SH3D21: variants seen among roughly 807,000 people sequenced by gnomAD.
SH3D21 encodes manchette microtubule inner protein 1.
Under a neutral mutation model 82.1 loss-of-function variants are expected in SH3D21, and 83 were observed. The observed-to-expected ratio is 1.01, with a 90% CI of 0.85 to 1.21. The LOEUF is 1.21. SH3D21 is among the 50% of genes most tolerant of loss of function. The probability of loss-of-function intolerance (pLI) is 0.00; values close to 1 mark genes in which losing one functional copy is unlikely to be tolerated. For missense variants in SH3D21, 980 were observed against 962.1 expected (o/e 1.02, Z -0.25); for synonymous variants, 383 against 387.8 (o/e 0.99, Z 0.15).
At chr1:36,323,913 C>T (rs1010679261), downstream of SH3D21, 4 of 152,310 alleles carry the variant, frequency 2.6e-5, no homozygotes, top group African/African-American at 4.8e-5. Context: ...AACCCTGCGA[C>T]GTGATACCAT....
intron 10 of SH3D21, among the ~76,000 whole-genome samples, chr1:36,313,064 C>T (rs1208302629): frequency 6.6e-6 from 1 of 151,960 alleles, no homozygotes. Flanking sequence ...GTGGCTTACG[C>T]CTGTAATCCC....
chr1:36,324,632 G>A (rs916056645), downstream of SH3D21: 14 of 152,270 alleles, frequency 9.2e-5, no homozygotes, highest in Admixed American at 7.2e-4. Context: ...CCGGGCTGCA[G>A]ACCCCTACTC....
At chr1:36,315,043 G>T (rs1270873813) in intron 10 of SH3D21, among the ~76,000 whole-genome samples, 2 of 152,100 alleles carry the variant, frequency 1.3e-5, no homozygotes, top group African/African-American at 4.8e-5. Context: ...GGGAGGCTGA[G>T]GCGGGCAGAT....
Position 36,311,227 on chromosome 1 carries a change from T to C in SH3D21, c.769+1637T>C, listed in dbSNP as rs563840397. ...CCTGGCTGAGATTTGCTGTTTTTTGTTGTTATTGTTTGTTTGTTTGTTTGA... is the reference window on the plus strand; with the variant it reads ...CCTGGCTGAGATTTGCTGTTTTTTGCTGTTATTGTTTGTTTGTTTGTTTGA... On this transcript the variant is annotated intron_variant, in intron 10 of 15. Coordinates refer to ENST00000453908, the MANE Select transcript of SH3D21 (RefSeq NM_001162530.2). Among the ~76,000 whole-genome samples the C allele has an allele frequency of 6.7e-5, 10 of 148,816 alleles. 1 individual carries two copies. The South Asian group carries it at 2.1e-3, about 32-fold the overall frequency.
chr1:36,327,625 C>A, downstream of SH3D21: 8 of 1,181,874 alleles, frequency 6.8e-6, no homozygotes, highest in South Asian at 9.3e-5. Flanking sequence ...TCAGGTATGA[C>A]TCAGCCCTAG....
chr1:36,317,673 C>T (rs1370128716), intron 10 of SH3D21, among the ~76,000 whole-genome samples: 2 of 152,204 alleles, frequency 1.3e-5, no homozygotes, highest in Admixed American at 6.5e-5. Context: ...AAGCGATTTT[C>T]CTGCCTCAGC....
chr1:36,322,750 C>T (rs1237504810), downstream of SH3D21: 34 of 1,540,808 alleles, frequency 2.2e-5, no homozygotes, highest in Admixed American at 7.9e-5. Context: ...GCGGGGGTCA[C>T]GGAGAGGCCC....
downstream of SH3D21, among the ~76,000 whole-genome samples, chr1:36,327,229 A>G (rs1174493759): frequency 6.6e-6 from 1 of 152,210 alleles, no homozygotes; most frequent in Non-Finnish European, 1.5e-5. Context: ...ACCATCAGCA[A>G]TATTGAGTTT....
chr1:36,320,735 C>T lies in SH3D21; in HGVS notation c.2072C>T (p.Thr691Met), dbSNP rs1278180647. 6.2e-7 allele frequency: 1 copy of T among 1,611,090 alleles called. No individual in the cohort carries two copies. Among genetic ancestry groups the T allele is most frequent in the East Asian group, 2.2e-5 (1 of 44,800 alleles). Residue 691 changes from threonine to methionine, a missense_variant, in exon 14 of 16, where the codon ACG becomes ATG. Transcript: ENST00000453908. The part of the protein sequence containing the change: ...TENKNEGVDV[T>M]SLRGEVESLR... ...AACAAGAATGAAGGAGTTGATGTAA[C>T]GTCGCTGAGGGGCGAGGTGGAGTCT...
intron 10 of SH3D21, among the ~76,000 whole-genome samples, chr1:36,313,972 C>CTTTTTTTTTT (rs767624105): frequency 0.011 from 396 of 36,808 alleles, 155 homozygotes; most frequent in African/African-American, 0.021. Flanking sequence ...AACATATTTT[C>CTTTTTTTTTT]TTTTTTTTTT....
At chr1:36,320,835 T>C in intron 14 of SH3D21, 37 bp downstream of exon 14, 1 of 1,546,810 alleles carries the variant, frequency 6.5e-7, no homozygotes, top group South Asian at 1.2e-5. Context: ...GAAGGTAGGG[T>C]TCCCCCTAGC....
intron 10 of SH3D21, among the ~76,000 whole-genome samples, chr1:36,314,271 G>A (rs1397164316): frequency 2.6e-5 from 4 of 151,320 alleles, no homozygotes; most frequent in Admixed American, 6.6e-5. Context: ...CACCGCGCCC[G>A]GCCCGATGCT....
downstream of SH3D21, among the ~76,000 whole-genome samples, chr1:36,326,711 G>C (rs905550121): frequency 6.6e-6 from 1 of 152,222 alleles, no homozygotes; most frequent in African/African-American, 2.4e-5. Context: ...CCAAGCCAGT[G>C]AGGGCGGGGC....
At position 36,320,068 on chromosome 1, in the gene SH3D21, A is replaced by G; in HGVS notation, c.1405A>G (p.Asn469Asp). ...LEAPPMDKVP[N>D]PKMAPLGDEA... is the part of the protein sequence containing the mutation. The stretch of plus-strand genomic sequence containing the variant: ...AGCCCCACCTATGGATAAAGTCCCT[A>G]ATCCAAAGATGGCCCCTCTGGGGGA... The change falls in exon 14 of 16, where the codon AAT becomes GAT. Residue 469 changes from asparagine to aspartate, a missense_variant. Coordinates refer to ENST00000453908, the MANE Select transcript of SH3D21 (RefSeq NM_001162530.2). 1 of 1,614,070 alleles carries G rather than the reference A, an allele frequency of 6.2e-7. No individual in the cohort carries two copies. Among genetic ancestry groups the G allele is most frequent in the Non-Finnish European group, 8.5e-7 (1 of 1,179,998 alleles).
In SH3D21 at chr1:36,307,664, G is replaced by C. The variant is rs1270834232; in HGVS notation, c.436+57G>C. On this transcript the variant is annotated intron_variant, in intron 5 of 15. Coordinates refer to ENST00000453908, the MANE Select transcript of SH3D21 (RefSeq NM_001162530.2). This position sits in a 1 kb window ranked among gnomAD's most constrained non-coding sequence, Gnocchi z 5.4. ...GCAATCTCCAATGACCCTCCCAGTGGCATGAGCCTGTGATTCACATATCCT... is the reference window on the plus strand; with the variant it reads ...GCAATCTCCAATGACCCTCCCAGTGCCATGAGCCTGTGATTCACATATCCT... The C allele has an allele frequency of 1.9e-6, 3 of 1,543,126 alleles. No individual in the cohort carries two copies. The highest frequency in any genetic ancestry group is 1.8e-6 in the Non-Finnish European group (2 of 1,140,736).
At chr1:36,318,952 C>T (rs1392129574) in intron 10 of SH3D21, 119 bp from the exon 11 acceptor site, 3 of 443,584 alleles carry the variant, frequency 6.8e-6, no homozygotes, top group Non-Finnish European at 1.2e-5. Context: ...CAAAAATTAG[C>T]CGGGTGCAGT....
chr1:36,306,386 G>A lies in SH3D21; in HGVS notation c.-35G>A, dbSNP rs1024340287. The stretch of plus-strand genomic sequence containing the variant: ...CGGGCCCAGTACTCGGCCGTCAGAG[G>A]GAGCTGCCAGGCTCTGGAGGGCGCC... On this transcript the variant is annotated 5_prime_UTR_variant, in exon 1 of 16. Transcript: ENST00000453908. This position sits in a 1 kb window ranked among gnomAD's most constrained non-coding sequence, Gnocchi z 4.5. 2.1e-5 allele frequency: 28 copies of A among 1,305,292 alleles called. No individual in the cohort carries two copies. The Admixed American group carries it at 3.7e-4, about 17-fold the overall frequency. The allele number at this position is 1,305,292 out of a possible 1,614,324, so 80.9% of individuals were successfully genotyped here.
In SH3D21 at chr1:36,320,720, A is replaced by G. The variant is rs1553131192; in HGVS notation, c.2057A>G (p.Glu686Gly). The change falls in exon 14 of 16, where the codon GAA (glutamate) becomes GGA (glycine). Residue 686 changes from glutamate (E) to glycine (G), a missense_variant. Physicochemically the swap from Glu to Gly is moderately conservative, Grantham distance 98. Coordinates refer to ENST00000453908, the MANE Select transcript of SH3D21 (RefSeq NM_001162530.2). Reference sequence around the variant, plus strand: ...CAAAACTACACGGAAAACAAGAATGAAGGAGTTGATGTAACGTCGCTGAGG... The same window carrying G: ...CAAAACTACACGGAAAACAAGAATGGAGGAGTTGATGTAACGTCGCTGAGG... Reference protein sequence around the residue: ...VPQNYTENKNEGVDVTSLRGE... With the variant: ...VPQNYTENKNGGVDVTSLRGE... 6.2e-7 allele frequency: 1 copy of G among 1,613,574 alleles called. No homozygotes were observed. The highest frequency in any genetic ancestry group is 8.5e-7 in the Non-Finnish European group (1 of 1,179,812).
At chr1:36,324,078 G>A (rs1240289589), downstream of SH3D21, 1 of 152,284 alleles carries the variant, frequency 6.6e-6, no homozygotes. Context: ...AGGCAAAGCT[G>A]CTTCTCTTCC....
Sources: gnomAD v4.1 joint callset for allele counts (sites outside exome capture counted in the v4.1 genomes callset) on GRCh38, gnomAD v4.1.1 for gene constraint, Gnocchi (gnomAD v3.1) non-coding constraint, MANE v1.5 for transcripts, NCBI Gene and HGNC (gene_info 2026-07-23, HGNC 2026-07-21) for gene names.